The following NKD1 variants were observed in gnomAD, a reference collection of about 807,000 sequenced individuals.
NKD1 encodes the protein NKD inhibitor of Wnt signaling pathway 1, also known as protein naked cuticle homolog 1.
In NKD1, 21 loss-of-function variants were observed where a neutral mutation model predicts 56.0. That is an observed-to-expected ratio of 0.38 (90% CI 0.27 to 0.54). The LOEUF is 0.54. Ranked by LOEUF, NKD1 falls within the 20% of genes least tolerant of loss-of-function variation. The pLI is 0.82. For synonymous variants in NKD1, 263 were observed against 265.7 expected (o/e 0.99, Z 0.10); for missense variants, 578 against 642.7 (o/e 0.90, Z 1.09).
intron 3 of NKD1, among the ~76,000 whole-genome samples, chr16:50,595,223 T>C (rs910430184): frequency 6.6e-6 from 1 of 152,174 alleles, no homozygotes; most frequent in African/African-American, 2.4e-5. Context: ...CTCTTTGGCT[T>C]TGTGACCCTG....
rs1475507482 is a variant in NKD1 at position 50,598,413 on chromosome 16, A to G, written c.193-9881A>G. 6.6e-6 allele frequency among the ~76,000 whole-genome samples: 1 copy of G among 152,172 alleles called. No homozygotes were observed. The highest frequency in any genetic ancestry group is 6.5e-5 in the Admixed American group (1 of 15,288). On this transcript the variant is annotated intron_variant, in intron 3 of 9. Transcript: ENST00000268459. This position sits in a 1 kb window ranked among gnomAD's most constrained non-coding sequence, Gnocchi z 4.2. ...CTTCATTCCTGAGGCTGAGCAAGAA[A>G]TTCCAGGCTTCTTGGGTCCCCAAGC...
At chr16:50,617,237 A>G (rs1961982373) in intron 4 of NKD1, among the ~76,000 whole-genome samples, 1 of 151,948 alleles carries the variant, frequency 6.6e-6, no homozygotes. Context: ...CAAAGTTGTC[A>G]CCATTCAGGT....
In NKD1 at chr16:50,646,378, G is replaced by C. The variant is rs536179554; in HGVS notation, c.*12597G>C. 3.3e-5 allele frequency: 5 copies of C among 149,570 alleles called. No homozygotes were observed. The South Asian group carries it at 6.7e-4, about 20-fold the overall frequency. The allele number at this position is 149,570 out of a possible 1,614,324, so 9.3% of individuals were successfully genotyped here. ...AGACGAGGAAGAAAAAGAGGGGGGGGGGAGAGAGAACGAAGGCTAACTGAT... is the reference window on the plus strand; with the variant it reads ...AGACGAGGAAGAAAAAGAGGGGGGGCGGAGAGAGAACGAAGGCTAACTGAT... On this transcript the variant is annotated 3_prime_UTR_variant, in exon 10 of 10. Transcript: ENST00000268459.
intron 3 of NKD1, among the ~76,000 whole-genome samples, chr16:50,592,887 C>T (rs1961400072): frequency 6.6e-6 from 1 of 152,092 alleles, no homozygotes; most frequent in African/African-American, 2.4e-5. Flanking sequence ...GTCCCTTTAC[C>T]CAGGGCAGTT....
At position 50,634,450 on chromosome 16, in the gene NKD1, CCTT is replaced by C. The variant is rs1334546330; in HGVS notation, c.*675_*677del. The C allele has an allele frequency of 3.9e-5, 6 of 152,384 alleles. No homozygotes were observed. Among genetic ancestry groups the C allele is most frequent in the African/African-American group, 4.8e-5 (2 of 41,430 alleles). 9.4% of individuals were successfully genotyped at this position (152,384 alleles called of 1,614,324 possible). A position where few individuals can be genotyped will look rare whatever the true frequency, so the allele number is the denominator to read the frequency against. ...ATGAAAATCCACTTCTCTTCCTTCTCCTTCTTCTCTCTCTACTTTACAGTGATA... is the reference window on the plus strand; with the variant it reads ...ATGAAAATCCACTTCTCTTCCTTCTCCTTCTCTCTCTACTTTACAGTGATA... On this transcript the variant is annotated 3_prime_UTR_variant, in exon 10 of 10. Transcript: ENST00000268459.
intron 3 of NKD1, chr16:50,562,182 G>A (rs1960648443): frequency 3.7e-6 from 1 of 272,418 alleles, no homozygotes; most frequent in Non-Finnish European, 5.6e-6. Flanking sequence ...AGCGAGTAAG[G>A]GCCTCTCTTG....
chr16:50,554,085 C>G (rs966054515), intron 3 of NKD1: 4 of 152,318 alleles, frequency 2.6e-5, no homozygotes, highest in African/African-American at 9.7e-5. Flanking sequence ...CTTGTCCTCA[C>G]TTTGAGACTT....
At chr16:50,612,834 C>G (rs997474276) in intron 4 of NKD1, among the ~76,000 whole-genome samples, 1 of 152,146 alleles carries the variant, frequency 6.6e-6, no homozygotes, top group Admixed American at 6.5e-5. Flanking sequence ...TGGTTCTGCC[C>G]AGATGGTTGG....
At chr16:50,595,735 C>T (rs1396046085) in intron 3 of NKD1, among the ~76,000 whole-genome samples, 1 of 152,124 alleles carries the variant, frequency 6.6e-6, no homozygotes, top group Non-Finnish European at 1.5e-5. Context: ...CCATGAAGAC[C>T]TTCTTATCCC....
intron 3 of NKD1, among the ~76,000 whole-genome samples, chr16:50,603,311 G>A (rs1961638972): frequency 1.3e-5 from 2 of 152,232 alleles, no homozygotes; most frequent in African/African-American, 4.8e-5. Context: ...TGCCTCCCGA[G>A]AGGGGACAAG....
At chr16:50,548,781 TGGACGCGGG>T in intron 2 of NKD1, 32 bp downstream of exon 2, 1 of 1,378,912 alleles carries the variant, frequency 7.3e-7, no homozygotes, top group Non-Finnish European at 9.3e-7. Flanking sequence ...ACCTCGGGGA[TGGACGCGGG>T]GGACACCGCG....
chr16:50,630,281 C>G lies in NKD1; in HGVS notation c.558C>G (p.Thr186=), dbSNP rs780730328. Residue 186 remains threonine, a synonymous_variant, in exon 7 of 10, where the codon ACC becomes ACG. Coordinates refer to ENST00000268459, the MANE Select transcript of NKD1 (RefSeq NM_033119.5). ...TSSKMLRVKL[T]VAPDGSQSKR... is the part of the protein sequence containing the mutation. ...GCAAGATGCTGCGGGTAAAGCTCAC[C>G]GTGGCCCCCGATGGCAGCCAGAGCA... 1 of 1,614,126 alleles carries G rather than the reference C, an allele frequency of 6.2e-7. No individual in the cohort carries two copies. Among genetic ancestry groups the G allele is most frequent in the Non-Finnish European group, 8.5e-7 (1 of 1,180,012 alleles).
Position 50,647,722 on chromosome 16 carries a change from C to G in NKD1, c.*13941C>G, listed in dbSNP as rs542563296. On this transcript the variant is annotated 3_prime_UTR_variant, in exon 10 of 10. Coordinates refer to ENST00000268459, the MANE Select transcript of NKD1 (RefSeq NM_033119.5). ...CAGCAGAATTGCAGGTACTGGCAGTCGGAAATTGGACCAGCAAACAGAAAT... is the reference window on the plus strand; with the variant it reads ...CAGCAGAATTGCAGGTACTGGCAGTGGGAAATTGGACCAGCAAACAGAAAT... 1 of 152,192 alleles carries G rather than the reference C, an allele frequency of 6.6e-6. No individual in the cohort carries two copies. Among genetic ancestry groups the G allele is most frequent in the Non-Finnish European group, 1.5e-5 (1 of 68,052 alleles). 9.4% of individuals were successfully genotyped at this position (152,192 alleles called of 1,614,324 possible).
chr16:50,633,840 G>T lies in NKD1; in HGVS notation c.*59G>T. Reference sequence around the variant, plus strand: ...AGGACCCCACCCCCGACACCACAAGGCATTATTATTCTATTAATTATTGTT... The same window carrying T: ...AGGACCCCACCCCCGACACCACAAGTCATTATTATTCTATTAATTATTGTT... On this transcript the variant is annotated 3_prime_UTR_variant, in exon 10 of 10. Transcript: ENST00000268459. The surrounding 1 kb of genome is among the most constrained non-coding windows in gnomAD (Gnocchi z 4.9). The T allele has an allele frequency of 1.3e-6, 1 of 748,038 alleles. No homozygotes were observed. Among genetic ancestry groups the T allele is most frequent in the Non-Finnish European group, 2.1e-6 (1 of 474,816 alleles). The allele number at this position is 748,038 out of a possible 1,614,324, so 46.3% of individuals were successfully genotyped here.
At chr16:50,587,943 G>A (rs899191167) in intron 3 of NKD1, among the ~76,000 whole-genome samples, 8 of 152,202 alleles carry the variant, frequency 5.3e-5, no homozygotes, top group East Asian at 1.9e-4. Flanking sequence ...GTTTCATCCC[G>A]AAACCGTCTG....
Position 50,596,882 on chromosome 16 carries a change from T to C in NKD1, c.193-11412T>C, listed in dbSNP as rs569749382. Among the ~76,000 whole-genome samples the C allele has an allele frequency of 1.2e-4, 19 of 152,306 alleles. No individual in the cohort carries two copies. In the South Asian group the frequency reaches 2.1e-3, roughly 17 times the overall value. On this transcript the variant is annotated intron_variant, in intron 3 of 9. Coordinates refer to ENST00000268459, the MANE Select transcript of NKD1 (RefSeq NM_033119.5). ...GGAGGGGTTATCCAGAGGAAGAGTCTTCCGGGTAGAGGGAACAGCGTGTGT... is the reference window on the plus strand; with the variant it reads ...GGAGGGGTTATCCAGAGGAAGAGTCCTCCGGGTAGAGGGAACAGCGTGTGT...
intron 6 of NKD1, among the ~76,000 whole-genome samples, chr16:50,627,118 G>T (rs1258453421): frequency 6.6e-6 from 1 of 151,886 alleles, no homozygotes; most frequent in Non-Finnish European, 1.5e-5. Flanking sequence ...ACATGTAAGT[G>T]ACAGAATACA....
chr16:50,603,359 G>T (rs1377216544), intron 3 of NKD1, among the ~76,000 whole-genome samples: 1 of 152,218 alleles, frequency 6.6e-6, no homozygotes. Context: ...GGCCTTGAGA[G>T]CGCCTGGCCA....
In NKD1 at chr16:50,635,217, G is replaced by A. The variant is rs987414772; in HGVS notation, c.*1436G>A. 1 of 152,348 alleles carries A rather than the reference G, an allele frequency of 6.6e-6. No homozygotes were observed. Among genetic ancestry groups the A allele is most frequent in the African/African-American group, 2.4e-5 (1 of 41,468 alleles). The allele number at this position is 152,348 out of a possible 1,614,324, so 9.4% of individuals were successfully genotyped here. ...TAGCAGACAGAGGATTGCTGGAGGA[G>A]TGAGAGGGGCACCTGAAGGAGCTGT... On this transcript the variant is annotated 3_prime_UTR_variant, in exon 10 of 10. Transcript: ENST00000268459. This position sits in a 1 kb window ranked among gnomAD's most constrained non-coding sequence, Gnocchi z 4.1.
Sources: allele counts gnomAD v4.1 joint callset (sites outside exome capture counted in the v4.1 genomes callset), GRCh38; gene constraint gnomAD v4.1.1; non-coding constraint Gnocchi (gnomAD v3.1); transcripts MANE v1.5; gene names NCBI Gene and HGNC (gene_info 2026-07-23, HGNC 2026-07-21).